SURF1: variants seen among roughly 807,000 people sequenced by gnomAD.
SURF1 encodes SURF1 cytochrome c oxidase assembly factor.
SURF1 carries 45 observed loss-of-function variants against 34.1 expected under a neutral mutation model. That is an observed-to-expected ratio of 1.32 (90% CI 1.04 to 1.69). SURF1 has a LOEUF of 1.69. Among genes scored for constraint, SURF1 ranks in the 40% most tolerant of loss-of-function variants. The pLI is 0.00. For synonymous variants in SURF1, 188 were observed against 147.5 expected (o/e 1.27, Z -1.99); for missense variants, 456 against 384.6 (o/e 1.19, Z -1.55).
Position 133,352,519 on chromosome 9 carries a change from G to T in SURF1, c.678C>A (p.His226Gln). The T allele has an allele frequency of 1.2e-6, 2 of 1,614,266 alleles. No homozygotes were observed. Among genetic ancestry groups the T allele is most frequent in the Non-Finnish European group, 8.5e-7 (1 of 1,180,044 alleles). The stretch of plus-strand genomic sequence containing the variant: ...TAGCTTCCAGGTCTCGATAATGCCA[G>T]TGGTTCCTTTCTGGATTGTTCTCAG... ...FVPENNPERN[H>Q]WHYRDLEAMA... The change falls in exon 7 of 9, where the codon CAC becomes CAA. Residue 226 changes from histidine to glutamine, a missense_variant. Coordinates refer to ENST00000371974, the MANE Select transcript of SURF1 (RefSeq NM_003172.4).
chr9:133,356,143 C>G (rs1028870220), intron 2 of SURF1, 126 bp downstream of exon 2: 1 of 1,276,318 alleles, frequency 7.8e-7, no homozygotes, highest in African/African-American at 1.5e-5. Flanking sequence ...TTGTCACTCC[C>G]AGGGAGCCTC....
intron 4 of SURF1, 122 bp from the exon 5 acceptor site, chr9:133,354,062 CT>C: frequency 9.0e-7 from 1 of 1,112,928 alleles, no homozygotes; most frequent in Non-Finnish European, 1.3e-6. Context: ...AGGGCGTGCT[CT>C]TCAAAGGGGA....
At chr9:133,354,481 A>C (rs2130017183) in intron 4 of SURF1, among the ~76,000 whole-genome samples, 178 bp downstream of exon 4, 5 of 152,134 alleles carry the variant, frequency 3.3e-5, no homozygotes, top group African/African-American at 1.2e-4. Flanking sequence ...AGGTAGCTTC[A>C]CAAGGGCAGT....
chr9:133,355,150 T>G (rs1241512198), intron 2 of SURF1, among the ~76,000 whole-genome samples, 193 bp from the exon 3 acceptor site: 1 of 152,068 alleles, frequency 6.6e-6, no homozygotes, highest in Non-Finnish European at 1.5e-5. Context: ...GCCAAGTGAG[T>G]AAGTGGGATC....
At position 133,352,617 on chromosome 9, in the gene SURF1, G is replaced by C. The variant is rs2130008542; in HGVS notation, c.589-9C>G. Reference sequence around the variant, plus strand: ...TCCACTTCTCCCTCAATCTATAAAGGAAGGTGTGTGAGATTGCATGGAGCC... The same window carrying C: ...TCCACTTCTCCCTCAATCTATAAAGCAAGGTGTGTGAGATTGCATGGAGCC... On this transcript the variant is annotated splice_polypyrimidine_tract_variant and intron_variant, in intron 6 of 8. Transcript: ENST00000371974. 4 of 1,614,030 alleles carry C rather than the reference G, an allele frequency of 2.5e-6. No individual in the cohort carries two copies. In the African/African-American group the frequency reaches 4.0e-5, roughly 16 times the overall value.
chr9:133,354,734 C>A lies in SURF1; in HGVS notation c.248G>T (p.Arg83Leu). ...AFGLGTWQVQ[R>L]RKWKLNLIAE... ...AATCAGGTTCAGCTTCCACTTCCGA[C>A]GCTGGACCTACAGTGACAGAGCATA... The change falls in exon 4 of 9, where the codon CGT becomes CTT. Residue 83 changes from arginine (R) to leucine (L), a missense_variant. Arg to Leu is a moderately radical substitution (Grantham distance 102). Coordinates refer to ENST00000371974, the MANE Select transcript of SURF1 (RefSeq NM_003172.4). 3 of 1,613,698 alleles carry A rather than the reference C, an allele frequency of 1.9e-6. No individual in the cohort carries two copies. Among genetic ancestry groups the A allele is most frequent in the Non-Finnish European group, 2.5e-6 (3 of 1,180,026 alleles).
Position 133,354,303 on chromosome 9 carries a change from TCATTCAGGG to T in SURF1, c.323+347_323+355del, listed in dbSNP as rs2130016772. The T allele has an allele frequency of 5.1e-3, 2,485 of 487,166 alleles. 12 individuals are homozygous for T. Among genetic ancestry groups the T allele is most frequent in the Non-Finnish European group, 7.5e-3 (2,003 of 267,772 alleles). 30.2% of individuals were successfully genotyped at this position (487,166 alleles called of 1,614,324 possible). A position where few individuals can be genotyped will look rare whatever the true frequency, so the allele number is the denominator to read the frequency against. On this transcript the variant is annotated intron_variant, in intron 4 of 8. Coordinates refer to ENST00000371974, the MANE Select transcript of SURF1 (RefSeq NM_003172.4). ...ATATTCTAGGGAGAGAGCAGACAAA[TCATTCAGGG>T]CACTTTTTCAAACGACCACCCTCAC... is the stretch of plus-strand genomic sequence containing the variant.
rs782549675 is a variant in SURF1, at chr9:133,354,963, G to A, written c.107-6C>T. ...GCTTGGCCTCCAGGCCACCCCTGGAGAGTTTCACAACACTGACATGGAGCC... is the reference window on the plus strand; with the variant it reads ...GCTTGGCCTCCAGGCCACCCCTGGAAAGTTTCACAACACTGACATGGAGCC... On this transcript the variant is annotated splice_region_variant and splice_polypyrimidine_tract_variant and intron_variant, in intron 2 of 8. Transcript: ENST00000371974. 1 of 1,612,938 alleles carries A rather than the reference G, an allele frequency of 6.2e-7. No individual in the cohort carries two copies. The highest frequency in any genetic ancestry group is 1.7e-5 in the Admixed American group (1 of 60,012).
chr9:133,352,043 G>A lies in SURF1; in HGVS notation c.833+18C>T. ...CTAGGCTGAAGGGGAGGAAGCCAGA[G>A]GGCCGCTGGGGACTCACCAGGTCAC... is the stretch of plus-strand genomic sequence containing the variant. On this transcript the variant is annotated intron_variant, in intron 8 of 8. Transcript: ENST00000371974. The A allele has an allele frequency of 1.9e-6, 3 of 1,612,226 alleles. No homozygotes were observed. In the South Asian group the frequency reaches 3.3e-5, roughly 18 times the overall value.
In SURF1 at chr9:133,351,954, G is replaced by A. The variant is rs2130002962; in HGVS notation, c.862C>T (p.Leu288=). The A allele has an allele frequency of 2.5e-6, 4 of 1,613,854 alleles. No homozygotes were observed. Among genetic ancestry groups the A allele is most frequent in the African/African-American group, 2.7e-5 (2 of 74,932 alleles). Residue 288 remains leucine (L), a synonymous_variant, in exon 9 of 9, where the codon CTG becomes TTG. Coordinates refer to ENST00000371974, the MANE Select transcript of SURF1 (RefSeq NM_003172.4). ...WYGLSAATSY[L]WFKKFLRGTP... The stretch of plus-strand genomic sequence containing the variant: ...CCACGTAGGAATTTCTTAAACCACA[G>A]GTAGGATGTAGCTGCAGAGAGTCCA...
chr9:133,356,161 C>T, intron 2 of SURF1, 108 bp downstream of exon 2: 1 of 1,406,598 alleles, frequency 7.1e-7, no homozygotes, highest in Non-Finnish European at 9.7e-7. Flanking sequence ...CTCCGCTCAG[C>T]CGGCAGTTGG....
At position 133,351,906 on chromosome 9, in the gene SURF1, T is replaced by C. The variant is rs2130002410; in HGVS notation, c.*7A>G. The stretch of plus-strand genomic sequence containing the variant: ...TATCCAGGGACAGGGCTTCAGCAGC[T>C]GATCTGTCACACACCAGGTGTCCCA... On this transcript the variant is annotated 3_prime_UTR_variant, in exon 9 of 9. Coordinates refer to ENST00000371974, the MANE Select transcript of SURF1 (RefSeq NM_003172.4). 9.9e-6 allele frequency: 16 copies of C among 1,613,136 alleles called. No homozygotes were observed. The highest frequency in any genetic ancestry group is 1.2e-5 in the Non-Finnish European group (14 of 1,179,710).
Position 133,351,761 on chromosome 9 carries a change from G to A in SURF1, c.*152C>T, listed in dbSNP as rs953670652. ...GTATCAAGTTTTGGGAAAGTTCTTT[G>A]GACTGAAACCAAGCCAGGATTTTAT... On this transcript the variant is annotated 3_prime_UTR_variant, in exon 9 of 9. Transcript: ENST00000371974. 3.4e-6 allele frequency: 3 copies of A among 887,134 alleles called. No individual in the cohort carries two copies. The South Asian group carries it at 4.3e-5, about 13-fold the overall frequency. The allele number at this position is 887,134 out of a possible 1,614,324, so 55.0% of individuals were successfully genotyped here.
chr9:133,353,491 G>C (rs951223349), intron 5 of SURF1, among the ~76,000 whole-genome samples: 2 of 152,226 alleles, frequency 1.3e-5, no homozygotes, highest in Non-Finnish European at 2.9e-5. Flanking sequence ...TCCAGAGGCA[G>C]GGCCCCTGTT....
rs2130025367 is a variant in SURF1 at position 133,356,324 on chromosome 9, C to T, written c.55-4G>A. On this transcript the variant is annotated splice_polypyrimidine_tract_variant and splice_region_variant and intron_variant, in intron 1 of 8. Coordinates refer to ENST00000371974, the MANE Select transcript of SURF1 (RefSeq NM_003172.4). Reference sequence around the variant, plus strand: ...TCCAGGCGGCGCTGGCCGGGGCCTGCGGACACGGACGGGCGGGCTGAGCTC... The same window carrying T: ...TCCAGGCGGCGCTGGCCGGGGCCTGTGGACACGGACGGGCGGGCTGAGCTC... The T allele has an allele frequency of 1.3e-6, 2 of 1,514,182 alleles. No homozygotes were observed. The highest frequency in any genetic ancestry group is 5.3e-5 in the East Asian group (2 of 38,082). The allele number at this position is 1,514,182 out of a possible 1,614,324, so 93.8% of individuals were successfully genotyped here. A position where few individuals can be genotyped will look rare whatever the true frequency, so the allele number is the denominator to read the frequency against.
At chr9:133,352,916 C>G (rs1836471245) in intron 5 of SURF1, 150 bp from the exon 6 acceptor site, 3 of 889,920 alleles carry the variant, frequency 3.4e-6, no homozygotes, top group South Asian at 1.4e-5. Flanking sequence ...CAGTGCCACA[C>G]AGGCAAAGTC....
At chr9:133,354,034 A>T in intron 4 of SURF1, 94 bp from the exon 5 acceptor site, 1 of 1,450,046 alleles carries the variant, frequency 6.9e-7, no homozygotes, top group Non-Finnish European at 9.7e-7. Flanking sequence ...GGGCCAGACA[A>T]GTGAAGGAGA....
intron 5 of SURF1, 87 bp from the exon 6 acceptor site, chr9:133,352,853 A>T (rs1258639948): frequency 7.2e-7 from 1 of 1,393,458 alleles, no homozygotes; most frequent in East Asian, 2.5e-5. Context: ...CATAGGAACA[A>T]CTAGAGCACC....
intron 6 of SURF1, 36 bp downstream of exon 6, chr9:133,352,658 G>C: frequency 6.2e-7 from 1 of 1,613,796 alleles, no homozygotes; most frequent in Non-Finnish European, 8.5e-7. Context: ...GACTCCCAGA[G>C]CCTTCTCTAA....
Sources: allele counts gnomAD v4.1 joint callset (sites outside exome capture counted in the v4.1 genomes callset), GRCh38; gene constraint gnomAD v4.1.1; transcripts MANE v1.5; gene names NCBI Gene and HGNC (gene_info 2026-07-23, HGNC 2026-07-21).